MME: variants seen among roughly 807,000 people sequenced by gnomAD.
MME encodes neprilysin.
MME carries 98 observed loss-of-function variants against 113.2 expected under a neutral mutation model. The observed-to-expected ratio is 0.87, with a 90% CI of 0.74 to 1.02. The LOEUF is 1.02. MME is among the 50% of genes least tolerant of loss of function. MME has a pLI of 0.00. For synonymous variants in MME, 292 were observed against 300.6 expected (o/e 0.97, Z 0.30); for missense variants, 836 against 896.0 (o/e 0.93, Z 0.86).
chr3:155,159,217 TG>T (rs1722533938), intron 16 of MME, among the ~76,000 whole-genome samples: 1 of 152,064 alleles, frequency 6.6e-6, no homozygotes, highest in African/African-American at 2.4e-5. Flanking sequence ...AAGCCTACTT[TG>T]TACAGCTCAC....
At chr3:155,061,805 G>A (rs1037239152) in intron 1 of MME, among the ~76,000 whole-genome samples, 2 of 151,850 alleles carry the variant, frequency 1.3e-5, no homozygotes, top group African/African-American at 4.8e-5. Context: ...GGGATTACAG[G>A]CACCTGCCAC....
At position 155,180,569 on chromosome 3, in the gene MME, G is replaced by A. The variant is rs201414417; in HGVS notation, c.*110G>A. 9 of 819,578 alleles carry A rather than the reference G, an allele frequency of 1.1e-5. No individual in the cohort carries two copies. The highest frequency in any genetic ancestry group is 1.7e-5 in the Non-Finnish European group (8 of 464,930). 50.8% of individuals were successfully genotyped at this position (819,578 alleles called of 1,614,324 possible). A position where few individuals can be genotyped will look rare whatever the true frequency, so the allele number is the denominator to read the frequency against. On this transcript the variant is annotated 3_prime_UTR_variant, in exon 23 of 23. Transcript: ENST00000360490. ...CTAGGGGTCACTGTACTGACTTGAG[G>A]GTGATTAACAGAGAGGGCACCATCA...
At chr3:155,091,589 T>A (rs1387436419) in intron 3 of MME, among the ~76,000 whole-genome samples, 1 of 152,182 alleles carries the variant, frequency 6.6e-6, no homozygotes, top group East Asian at 1.9e-4. Context: ...CATTTTAGAA[T>A]AAGAGATATA....
At position 155,063,254 on chromosome 3, in the gene MME, C is replaced by CAT. The variant is rs1559896619; in HGVS notation, c.-10-20900_-10-20899dup. Among the ~76,000 whole-genome samples, 4 of 108,250 alleles carry CAT rather than the reference C, an allele frequency of 3.7e-5. No homozygotes were observed. In the East Asian group the frequency reaches 1.0e-3, roughly 27 times the overall value. The allele number at this position is 108,250 out of a possible 152,430, so 71.0% of individuals were successfully genotyped here. Reference sequence around the variant, plus strand: ...TTATTATATATTATATAATAATATACATATAATGTATATTATTTATATATT... The same window carrying CAT: ...TTATTATATATTATATAATAATATACATATATAATGTATATTATTTATATATT... On this transcript the variant is annotated intron_variant, in intron 1 of 22. Transcript: ENST00000492661.
chr3:155,063,032 C>T (rs1038041074), intron 1 of MME, among the ~76,000 whole-genome samples: 1 of 61,830 alleles, frequency 1.6e-5, no homozygotes, highest in African/African-American at 5.5e-5. Context: ...GACTCCATCT[C>T]AAAAAAAAAA....
rs1713014225 is a variant in MME at position 155,180,778 on chromosome 3, A to G, written c.*319A>G. On this transcript the variant is annotated 3_prime_UTR_variant, in exon 23 of 23. Transcript: ENST00000360490. ...TGATGTCCCTAGAAAACAATGCAAA[A>G]CCTTTGAGGTAGACCAGGATTTCTA... 1 of 313,566 alleles carries G rather than the reference A, an allele frequency of 3.2e-6. No individual in the cohort carries two copies. Among genetic ancestry groups the G allele is most frequent in the Admixed American group, 4.6e-5 (1 of 21,756 alleles). 19.4% of individuals were successfully genotyped at this position (313,566 alleles called of 1,614,324 possible).
At chr3:155,091,680 A>G (rs1022502031) in intron 3 of MME, among the ~76,000 whole-genome samples, 1 of 152,208 alleles carries the variant, frequency 6.6e-6, no homozygotes, top group Non-Finnish European at 1.5e-5. Context: ...GCTTTCTGGT[A>G]AGCCTTTGAT....
chr3:155,176,718 T>A (rs1576678350), intron 22 of MME, among the ~76,000 whole-genome samples: 1 of 152,068 alleles, frequency 6.6e-6, no homozygotes, highest in African/African-American at 2.4e-5. Context: ...TCCAGCTACT[T>A]GGGAGGCTGA....
At position 155,133,600 on chromosome 3, in the gene MME, C is replaced by CAT. The variant is rs199871858; in HGVS notation, c.721-4491_721-4490dup. Among the ~76,000 whole-genome samples the CAT allele has an allele frequency of 6.7e-3, 993 of 147,548 alleles. 11 individuals are homozygous for CAT. Among genetic ancestry groups the CAT allele is most frequent in the African/African-American group, 0.024 (948 of 40,140 alleles). On this transcript the variant is annotated intron_variant, in intron 8 of 22. Coordinates refer to ENST00000360490, the MANE Select transcript of MME (RefSeq NM_007289.4). ...CTCACCTCATCAACAAAAAGCATCC[C>CAT]ATATATATATATGTATATACACCAT...
chr3:155,097,860 C>T (rs1027512275), intron 3 of MME, among the ~76,000 whole-genome samples: 3 of 152,174 alleles, frequency 2.0e-5, no homozygotes, highest in African/African-American at 7.2e-5. Context: ...GCACACAGAA[C>T]TGATGGCTCT....
At chr3:155,107,878 G>A (rs1206053195) in intron 3 of MME, among the ~76,000 whole-genome samples, 1 of 152,150 alleles carries the variant, frequency 6.6e-6, no homozygotes, top group East Asian at 1.9e-4. Flanking sequence ...CTGTTAAAAT[G>A]CTCCACAACC....
intron 3 of MME, among the ~76,000 whole-genome samples, chr3:155,094,398 G>T (rs937121334): frequency 6.6e-6 from 1 of 152,138 alleles, no homozygotes; most frequent in Non-Finnish European, 1.5e-5. Flanking sequence ...CATGTTACAC[G>T]CCCTTCAGGG....
chr3:155,093,344 T>G (rs71624558), intron 3 of MME, among the ~76,000 whole-genome samples: 18,210 of 152,014 alleles, frequency 0.12, 1,090 homozygotes, highest in Non-Finnish European at 0.14. Flanking sequence ...AAGTTAAAAT[T>G]ATTTCAGGAT....
At chr3:155,079,022 A>G (rs1714886229), upstream of MME, among the ~76,000 whole-genome samples, 1 of 151,952 alleles carries the variant, frequency 6.6e-6, no homozygotes, top group African/African-American at 2.4e-5. Context: ...CCCACCCTCA[A>G]CCTCCGATGT....
rs1405191956 is a variant in MME at position 155,180,404 on chromosome 3, T to C, written c.2198T>C (p.Phe733Ser). The C allele has an allele frequency of 1.2e-6, 2 of 1,613,684 alleles. No homozygotes were observed. The highest frequency in any genetic ancestry group is 1.7e-6 in the Non-Finnish European group (2 of 1,179,670). The change falls in exon 23 of 23, where the codon TTT becomes TCT. Residue 733 changes from phenylalanine to serine, a missense_variant. Phe to Ser is a radical substitution (Grantham distance 155). Coordinates refer to ENST00000360490, the MANE Select transcript of MME (RefSeq NM_007289.4). ...LQNSAEFSEA[F>S]HCRKNSYMNP... ...AACTCTGCAGAGTTTTCAGAAGCCT[T>C]TCACTGCCGCAAGAATTCATACATG...
chr3:155,115,666 T>G (rs1222035267), intron 4 of MME, among the ~76,000 whole-genome samples: 3 of 152,168 alleles, frequency 2.0e-5, no homozygotes, highest in African/African-American at 7.2e-5. Flanking sequence ...CCTCAGGTGA[T>G]CCACCAGCCT....
At chr3:155,076,485 C>T (rs1576685778), upstream of MME, among the ~76,000 whole-genome samples, 1 of 152,180 alleles carries the variant, frequency 6.6e-6, no homozygotes, top group Admixed American at 6.5e-5. Flanking sequence ...GTTTTCAGCA[C>T]TCACATATCC....
Position 155,138,133 on chromosome 3 carries a change from C to T in MME, c.752C>T (p.Ser251Phe), listed in dbSNP as rs1720778625. ...ACAGCATATGTGGATTTTATGATTT[C>T]TGTGGCCAGATTGATTCGTCAGGAA... Reference protein sequence around the residue: ...ACTAYVDFMISVARLIRQEER... With the variant: ...ACTAYVDFMIFVARLIRQEER... The change falls in exon 9 of 23, where the codon TCT becomes TTT. Residue 251 changes from serine (S) to phenylalanine (F), a missense_variant. Ser to Phe is a radical substitution (Grantham distance 155). Transcript: ENST00000360490. The T allele has an allele frequency of 6.2e-7, 1 of 1,613,482 alleles. No individual in the cohort carries two copies. The highest frequency in any genetic ancestry group is 1.3e-5 in the African/African-American group (1 of 74,822).
intron 3 of MME, among the ~76,000 whole-genome samples, chr3:155,111,447 T>C (rs767636767): frequency 6.6e-6 from 1 of 152,228 alleles, no homozygotes; most frequent in African/African-American, 2.4e-5. Flanking sequence ...TCTTCCTCTC[T>C]CTGCTCTGCA....
Sources: allele counts gnomAD v4.1 joint callset (sites outside exome capture counted in the v4.1 genomes callset), GRCh38; gene constraint gnomAD v4.1.1; transcripts MANE v1.5; gene names NCBI Gene and HGNC (gene_info 2026-07-23, HGNC 2026-07-21).